FPGT: variants seen among roughly 807,000 people sequenced by gnomAD.
The protein encoded by FPGT is GDP-L-fucose diphosphorylase.
FPGT carries 41 observed loss-of-function variants against 45.8 expected under a neutral mutation model. That is an observed-to-expected ratio of 0.90 (90% CI 0.70 to 1.16). The LOEUF is 1.16. FPGT is among the 50% of genes most tolerant of loss of function. The pLI, the probability that FPGT is intolerant of heterozygous loss-of-function variation, is 0.00. For missense variants in FPGT, 755 were observed against 689.1 expected (o/e 1.10, Z -1.07); for synonymous variants, 292 against 247.2 (o/e 1.18, Z -1.70).
intron 3 of FPGT, among the ~76,000 whole-genome samples, chr1:74,203,303 G>C (rs975122222): frequency 1.3e-5 from 2 of 152,052 alleles, no homozygotes; most frequent in Admixed American, 6.6e-5. Context: ...TGTATATGCT[G>C]TCCATAATTG....
chr1:74,201,217 G>A, intron 2 of FPGT, 101 bp from the exon 3 acceptor site: 1 of 885,652 alleles, frequency 1.1e-6, no homozygotes, highest in South Asian at 1.6e-5. Flanking sequence ...ATTCCTGAAA[G>A]GCAAATCCTT....
At chr1:74,203,994 A>T (rs1266058379) in intron 3 of FPGT, among the ~76,000 whole-genome samples, 1 of 151,642 alleles carries the variant, frequency 6.6e-6, no homozygotes, top group African/African-American at 2.4e-5. Flanking sequence ...GTGAGCCAAG[A>T]TCGCACGTCA....
chr1:74,198,569 G>T, intron 1 of FPGT: 1 of 654,418 alleles, frequency 1.5e-6, no homozygotes, highest in Non-Finnish European at 2.5e-6. Context: ...TTTATTCTTA[G>T]TAGTATAGAT....
At chr1:74,203,760 G>A (rs999840933) in intron 3 of FPGT, among the ~76,000 whole-genome samples, 1 of 151,984 alleles carries the variant, frequency 6.6e-6, no homozygotes, top group Admixed American at 6.5e-5. Flanking sequence ...TGTAGATACA[G>A]GCTGGGTGTG....
At chr1:74,198,547 C>T (rs1651442121) in intron 1 of FPGT, 187 bp downstream of exon 1, 1 of 741,476 alleles carries the variant, frequency 1.3e-6, no homozygotes, top group East Asian at 2.7e-5. Context: ...GCTTGACATG[C>T]TTGTTGCTTA....
At position 74,204,568 on chromosome 1, in the gene FPGT, G is replaced by A; in HGVS notation, c.521G>A (p.Ser174Asn). 1.2e-6 allele frequency: 2 copies of A among 1,610,816 alleles called. No homozygotes were observed. Among genetic ancestry groups the A allele is most frequent in the African/African-American group, 2.7e-5 (2 of 74,970 alleles). ...VTCADDIELY[S>N]IGEFEFIRFD... ...TGTGCAGATGATATTGAACTTTATA[G>A]TATTGGAGAATTTGAGTTTATTAGG... is the stretch of plus-strand genomic sequence containing the variant. The change falls in exon 4 of 4, where the codon AGT becomes AAT. Residue 174 changes from serine to asparagine, a missense_variant. Ser to Asn is a conservative substitution (Grantham distance 46, BLOSUM62 1). Transcript: ENST00000370898.
At position 74,204,513 on chromosome 1, in the gene FPGT, T is replaced by C. The variant is rs763852010; in HGVS notation, c.466T>C (p.Leu156=). Residue 156 remains leucine (L), a synonymous_variant, in exon 4 of 4, where the codon TTA becomes CTA. Transcript: ENST00000370898. ...ACTAGCCATGTACATTGATTTCCCC[T>C]TAAATATGAATCCTGGAATTCTGGT... The part of the protein sequence containing the change: ...LKLAMYIDFP[L]NMNPGILVTC... 15 of 1,609,870 alleles carry C rather than the reference T, an allele frequency of 9.3e-6. No individual in the cohort carries two copies. The South Asian group carries it at 1.3e-4, about 14-fold the overall frequency.
chr1:74,201,704 C>CA (rs1354556409), intron 3 of FPGT, among the ~76,000 whole-genome samples: 3 of 152,064 alleles, frequency 2.0e-5, no homozygotes, highest in African/African-American at 7.2e-5. Context: ...TAAGACAACT[C>CA]ATTCAAATAT....
Position 74,204,575 on chromosome 1 carries a change from A to T in FPGT, c.528A>T (p.Gly176=), listed in dbSNP as rs1341048550. 6.2e-7 allele frequency: 1 copy of T among 1,611,880 alleles called. No homozygotes were observed. The highest frequency in any genetic ancestry group is 1.3e-5 in the African/African-American group (1 of 74,988). The stretch of plus-strand genomic sequence containing the variant: ...ATGATATTGAACTTTATAGTATTGG[A>T]GAATTTGAGTTTATTAGGTTTGACA... ...CADDIELYSI[G]EFEFIRFDKP... is the part of the protein sequence containing the mutation. The change falls in exon 4 of 4, where the codon GGA becomes GGT. Residue 176 remains glycine, a synonymous_variant. Coordinates refer to ENST00000370898, the MANE Select transcript of FPGT (RefSeq NM_003838.5).
At chr1:74,204,366 T>C in intron 3 of FPGT, 25 bp from the exon 4 acceptor site, 3 of 1,493,132 alleles carry the variant, frequency 2.0e-6, no homozygotes, top group Non-Finnish European at 2.7e-6. Context: ...CATTTTTAAA[T>C]GGTTATTTCG....
At chr1:74,203,035 A>T (rs1195892688) in intron 3 of FPGT, among the ~76,000 whole-genome samples, 1 of 152,204 alleles carries the variant, frequency 6.6e-6, no homozygotes, top group Non-Finnish European at 1.5e-5. Context: ...TATGTATCAT[A>T]TGAATTTATT....
At position 74,204,576 on chromosome 1, in the gene FPGT, G is replaced by T. The variant is rs760747688; in HGVS notation, c.529G>T (p.Glu177Ter). The T allele has an allele frequency of 1.2e-6, 2 of 1,612,016 alleles. No individual in the cohort carries two copies. The highest frequency in any genetic ancestry group is 2.7e-5 in the African/African-American group (2 of 74,872). ...ADDIELYSIG[E>*]FEFIRFDKPG... ...TGATATTGAACTTTATAGTATTGGA[G>T]AATTTGAGTTTATTAGGTTTGACAA... Residue 177 changes from glutamate (E) to a stop codon, truncating the protein, a stop_gained, in exon 4 of 4, where the codon GAA becomes TAA. Coordinates refer to ENST00000370898, the MANE Select transcript of FPGT (RefSeq NM_003838.5). LOFTEE classifies it high-confidence loss of function.
At chr1:74,204,023 G>GAC (rs904583195) in intron 3 of FPGT, among the ~76,000 whole-genome samples, 3 of 144,914 alleles carry the variant, frequency 2.1e-5, no homozygotes, top group Non-Finnish European at 4.6e-5. Context: ...CAGCCTGGGT[G>GAC]ACAGTAAGAC....
chr1:74,203,945 G>A lies in FPGT; in HGVS notation c.344-446G>A, dbSNP rs554319219. ...TAATCCCAGCTACTCGGGAGGCTGA[G>A]GCAGGAGAATCGCTTGAACCTGGGA... is the stretch of plus-strand genomic sequence containing the variant. On this transcript the variant is annotated intron_variant, in intron 3 of 3. Transcript: ENST00000370898. Among the ~76,000 whole-genome samples, 721 of 151,898 alleles carry A rather than the reference G, an allele frequency of 4.7e-3. 8 individuals are homozygous for A. The highest frequency in any genetic ancestry group is 0.016 in the African/African-American group (664 of 41,450).
chr1:74,199,540 A>C, intron 1 of FPGT, 124 bp from the exon 2 acceptor site: 1 of 1,075,950 alleles, frequency 9.3e-7, no homozygotes, highest in Non-Finnish European at 1.3e-6. Context: ...TCAAAAGCCA[A>C]AGATACATTT....
chr1:74,207,715 C>G lies in FPGT; in HGVS notation c.*1883C>G, dbSNP rs1652395887. ...GTTTGGTAAACCAGAAGTGACCTGT[C>G]TGAAGCCCTCAATTGTGGTATTTGT... On this transcript the variant is annotated 3_prime_UTR_variant, in exon 4 of 4. Transcript: ENST00000370898. 6.6e-6 allele frequency among the ~76,000 whole-genome samples: 1 copy of G among 151,988 alleles called. No homozygotes were observed. Among genetic ancestry groups the G allele is most frequent in the Non-Finnish European group, 1.5e-5 (1 of 67,934 alleles).
chr1:74,198,387 C>T lies in FPGT; in HGVS notation c.82+27C>T, dbSNP rs200727460. Reference sequence around the variant, plus strand: ...TACCAGAGAAGGCACCGGAGTTCTCCTGGGCAATGCAGAGGGAGGGTGCTT... The same window carrying T: ...TACCAGAGAAGGCACCGGAGTTCTCTTGGGCAATGCAGAGGGAGGGTGCTT... On this transcript the variant is annotated intron_variant, in intron 1 of 3. Coordinates refer to ENST00000370898, the MANE Select transcript of FPGT (RefSeq NM_003838.5). 6.4e-5 allele frequency: 104 copies of T among 1,613,224 alleles called. No individual in the cohort carries two copies. In the African/African-American group the frequency reaches 1.3e-3, roughly 20 times the overall value.
intron 2 of FPGT, chr1:74,200,548 A>G (rs555589241): frequency 1.1e-4 from 14 of 132,310 alleles, no homozygotes; most frequent in African/African-American, 3.7e-4. Context: ...TCTGTTGCCC[A>G]GGCTGGAGTG....
rs143522304 is a variant in FPGT, at chr1:74,201,629, C to T, written c.343+219C>T. On this transcript the variant is annotated intron_variant, in intron 3 of 3. Transcript: ENST00000370898. ...ATTTTACTCGTAAAATTGTAGATCA[C>T]GTATATCGTCAGTCTTTTATGAATA... Among the ~76,000 whole-genome samples, 1,094 of 152,066 alleles carry T rather than the reference C, an allele frequency of 7.2e-3. 10 individuals are homozygous for T. The highest frequency in any genetic ancestry group is 0.015 in the Admixed American group (222 of 15,286).
Sources: allele counts gnomAD v4.1 joint callset (sites outside exome capture counted in the v4.1 genomes callset), GRCh38; gene constraint gnomAD v4.1.1; transcripts MANE v1.5; gene names NCBI Gene and HGNC (gene_info 2026-07-23, HGNC 2026-07-21).